The following ABCG2 variants were observed in gnomAD, a reference collection of about 807,000 sequenced individuals.
ABCG2 encodes the protein ATP binding cassette subfamily G member 2 (JR blood group), also known as broad substrate specificity ATP-binding cassette transporter ABCG2.
In ABCG2, 80 loss-of-function variants were observed where a neutral mutation model predicts 73.5. The observed-to-expected ratio is 1.09, with a 90% CI of 0.91 to 1.31. The LOEUF is 1.31. Among genes scored for constraint, ABCG2 ranks in the 50% most tolerant of loss-of-function variants. The pLI is 0.00. For synonymous variants in ABCG2, 269 were observed against 282.4 expected (o/e 0.95, Z 0.48); for missense variants, 796 against 786.2 (o/e 1.01, Z -0.15).
At chr4:88,130,330 T>C (rs1724760751) in intron 5 of ABCG2, among the ~76,000 whole-genome samples, 1 of 151,904 alleles carries the variant, frequency 6.6e-6, no homozygotes, top group African/African-American at 2.4e-5. Flanking sequence ...AAATTGTGTG[T>C]TCCTTATGAG....
In ABCG2 at chr4:88,211,369, C is replaced by G. The variant is rs866464240; in HGVS notation, c.-20+19625G>C. Among the ~76,000 whole-genome samples the G allele has an allele frequency of 1.1e-4, 14 of 129,242 alleles. 2 individuals carry two copies. Among genetic ancestry groups the G allele is most frequent in the Admixed American group, 3.8e-4 (5 of 13,044 alleles). 84.8% of individuals were successfully genotyped at this position (129,242 alleles called of 152,430 possible). On this transcript the variant is annotated intron_variant, in intron 1 of 15. Transcript: ENST00000515655. Reference sequence around the variant, plus strand: ...ATTGTTCAACCCCTGCCCCACCCCCCCCCACTTTTGGAGACCCCAGTGTCT... The same window carrying G: ...ATTGTTCAACCCCTGCCCCACCCCCGCCCACTTTTGGAGACCCCAGTGTCT...
rs1185751722 is a variant in ABCG2, at chr4:88,131,847, GT to G, written c.333del (p.Pro112ArgfsTer19). The G allele has an allele frequency of 6.2e-7, 1 of 1,613,786 alleles. No individual in the cohort carries two copies. Among genetic ancestry groups the G allele is most frequent in the South Asian group, 1.1e-5 (1 of 91,060 alleles). ...GLSGDVLING[A>X]PRPANFKCNS... ...TTACATTTGAAATTGGCAGGTCGCG[GT>G]GCTCCATTTATCAGAACATCTCCAG... On this transcript the variant is annotated frameshift_variant, in exon 4 of 16. Transcript: ENST00000237612. LOFTEE classifies it high-confidence loss of function.
At chr4:88,207,604 G>C (rs1319003477) in intron 1 of ABCG2, among the ~76,000 whole-genome samples, 2 of 152,136 alleles carry the variant, frequency 1.3e-5, no homozygotes, top group Non-Finnish European at 1.5e-5. Context: ...GAGTGCAGTG[G>C]CATAATCTCA....
In ABCG2 at chr4:88,146,442, G is replaced by A. The variant is rs1726004163; in HGVS notation, c.-19-6428C>T. 5.3e-5 allele frequency among the ~76,000 whole-genome samples: 8 copies of A among 151,792 alleles called. No homozygotes were observed. In the South Asian group the frequency reaches 1.5e-3, roughly 28 times the overall value. On this transcript the variant is annotated intron_variant, in intron 1 of 15. Transcript: ENST00000237612. ...AGAGTCTCACTCTGTTGCCGAGGAC[G>A]TAGTGCAGTGGTGTGGATCTTGGCT...
At chr4:88,191,175 G>T (rs1728674687) in intron 1 of ABCG2, among the ~76,000 whole-genome samples, 1 of 148,070 alleles carries the variant, frequency 6.8e-6, no homozygotes, top group Non-Finnish European at 1.5e-5. Context: ...AACCCAGGAG[G>T]CTGGAGTGCA....
chr4:88,172,465 C>T (rs776581584), intron 1 of ABCG2, among the ~76,000 whole-genome samples: 31 of 150,792 alleles, frequency 2.1e-4, no homozygotes, highest in Non-Finnish European at 4.1e-4. Flanking sequence ...GTAATCCCAG[C>T]TTACTCAGGA....
intron 10 of ABCG2, among the ~76,000 whole-genome samples, chr4:88,102,613 A>T (rs1578175467): frequency 1.3e-5 from 2 of 151,726 alleles, no homozygotes; most frequent in South Asian, 4.1e-4. Flanking sequence ...AAAAAATTAA[A>T]AAATAAATAA....
intron 1 of ABCG2, among the ~76,000 whole-genome samples, chr4:88,166,490 G>A (rs1021144556): frequency 8.5e-5 from 13 of 152,212 alleles, no homozygotes; most frequent in Middle Eastern, 3.4e-3. Flanking sequence ...CTATTCTCCT[G>A]TTAATCCATC....
Position 88,098,322 on chromosome 4 carries a change from C to T in ABCG2, c.1493-715G>A, listed in dbSNP as rs377539192. Among the ~76,000 whole-genome samples the T allele has an allele frequency of 3.1e-4, 47 of 151,936 alleles. No homozygotes were observed. In the South Asian group the frequency reaches 9.6e-3, roughly 31 times the overall value. On this transcript the variant is annotated intron_variant, in intron 12 of 15. Transcript: ENST00000237612. ...CTTGTAGTGTCAAAATAGATATTTC[C>T]GGGGGTTTTGTGTGTGTGCATGTGT...
At chr4:88,142,751 A>G (rs1328336603) in intron 1 of ABCG2, among the ~76,000 whole-genome samples, 1 of 152,200 alleles carries the variant, frequency 6.6e-6, no homozygotes, top group Non-Finnish European at 1.5e-5. Flanking sequence ...ATTCGAGGCC[A>G]GCCTGCACAA....
At chr4:88,173,737 AC>A (rs1394566159) in intron 1 of ABCG2, among the ~76,000 whole-genome samples, 1 of 152,112 alleles carries the variant, frequency 6.6e-6, no homozygotes. Flanking sequence ...GGTGGCTCAT[AC>A]CTGTAATCCC....
In ABCG2 at chr4:88,203,100, C is replaced by T. The variant is rs1729244898; in HGVS notation, c.-20+27894G>A. Reference sequence around the variant, plus strand: ...ACTTTAATTTAATGAAACTAGTGTTCAGCACAATGCCAGTTTAATGGGGTT... The same window carrying T: ...ACTTTAATTTAATGAAACTAGTGTTTAGCACAATGCCAGTTTAATGGGGTT... On this transcript the variant is annotated intron_variant, in intron 1 of 15. Coordinates refer to the ABCG2 transcript ENST00000515655. Among the ~76,000 whole-genome samples, 3 of 152,204 alleles carry T rather than the reference C, an allele frequency of 2.0e-5. No individual in the cohort carries two copies. In the East Asian group the frequency reaches 5.8e-4, roughly 29 times the overall value.
upstream of ABCG2, among the ~76,000 whole-genome samples, chr4:88,161,978 A>G (rs913358042): frequency 6.6e-6 from 1 of 150,574 alleles, no homozygotes; most frequent in East Asian, 1.9e-4. Context: ...TTCTTTTGAG[A>G]AGTGTCTGTT....
chr4:88,138,251 T>C (rs1176290731), intron 2 of ABCG2, among the ~76,000 whole-genome samples: 4 of 152,200 alleles, frequency 2.6e-5, no homozygotes, highest in South Asian at 4.1e-4. Flanking sequence ...CATCCACATA[T>C]CTATGGGAAT....
At chr4:88,150,985 C>A (rs1042621242) in intron 1 of ABCG2, among the ~76,000 whole-genome samples, 3 of 152,174 alleles carry the variant, frequency 2.0e-5, no homozygotes, top group African/African-American at 7.2e-5. Context: ...ACTGCCCAAA[C>A]TGGGAAAACA....
chr4:88,218,081 C>T (rs1320465505), intron 1 of ABCG2, among the ~76,000 whole-genome samples: 1 of 152,086 alleles, frequency 6.6e-6, no homozygotes, highest in Non-Finnish European at 1.5e-5. Context: ...AGACATGTTC[C>T]TGCCTCCGTT....
At chr4:88,230,297 ATATATATATATTTTTTT>A (rs1382560686) in intron 1 of ABCG2, among the ~76,000 whole-genome samples, 1 of 5,138 alleles carries the variant, frequency 1.9e-4, no homozygotes, top group Non-Finnish European at 3.9e-4. Context: ...CCTGTTATAT[ATATATATATATTTTTTT>A]TTTTGGCCAC....
intron 1 of ABCG2, among the ~76,000 whole-genome samples, chr4:88,187,288 A>T (rs1316203237): frequency 6.6e-6 from 1 of 152,010 alleles, no homozygotes; most frequent in Non-Finnish European, 1.5e-5. Context: ...TAACTAAAAA[A>T]ATATAATTGG....
rs769734146 is a variant in ABCG2, at chr4:88,101,296, G to A, written c.1301C>T (p.Thr434Met). 2.3e-5 allele frequency: 37 copies of A among 1,613,950 alleles called. No homozygotes were observed. The highest frequency in any genetic ancestry group is 4.4e-5 in the South Asian group (4 of 91,084). ...AACACTGCTGAAACACTGGTTGGTC[G>A]TCAGGAAGAAGAGAACCCCAGCTCT... is the stretch of plus-strand genomic sequence containing the variant. ...QNRAGVLFFLTTNQCFSSVSA... is the reference protein window; with the variant it reads ...QNRAGVLFFLMTNQCFSSVSA... The change falls in exon 11 of 16, where the codon ACG becomes ATG. Residue 434 changes from threonine (T) to methionine (M), a missense_variant. By Grantham distance (81) the Thr-to-Met change is moderately conservative. Transcript: ENST00000237612.
Sources: allele counts gnomAD v4.1 joint callset (sites outside exome capture counted in the v4.1 genomes callset), GRCh38; gene constraint gnomAD v4.1.1; transcripts MANE v1.5; gene names NCBI Gene and HGNC (gene_info 2026-07-23, HGNC 2026-07-21).